MAGI1: variants seen among roughly 807,000 people sequenced by gnomAD.
MAGI1 encodes membrane-associated guanylate kinase, WW and PDZ domain-containing protein 1.
A neutral mutation model predicts 139.9 loss-of-function variants in MAGI1; 58 were observed. The observed-to-expected ratio is 0.41, with a 90% CI of 0.34 to 0.52. The LOEUF is 0.52. MAGI1 is among the 20% of genes least tolerant of loss of function. The probability of loss-of-function intolerance (pLI) is 0.12; values close to 1 mark genes in which losing one functional copy is unlikely to be tolerated. For synonymous variants in MAGI1, 812 were observed against 737.9 expected (o/e 1.10, Z -1.63); for missense variants, 1,874 against 1,901.6 (o/e 0.99, Z 0.27).
At chr3:65,867,353 CATCA>C (rs1342900138) in intron 1 of MAGI1, among the ~76,000 whole-genome samples, 1 of 152,222 alleles carries the variant, frequency 6.6e-6, no homozygotes, top group Non-Finnish European at 1.5e-5. Flanking sequence ...TTTCTGAACA[CATCA>C]ATCAACTGTA....
At chr3:66,018,733 T>A (rs1576480088) in intron 1 of MAGI1, among the ~76,000 whole-genome samples, 1 of 152,228 alleles carries the variant, frequency 6.6e-6, no homozygotes, top group South Asian at 2.1e-4. Context: ...ATCAGCCACC[T>A]GAGCTCTGAC....
chr3:65,432,900 T>C (rs1053516913), intron 10 of MAGI1, among the ~76,000 whole-genome samples: 1 of 152,168 alleles, frequency 6.6e-6, no homozygotes, highest in Non-Finnish European at 1.5e-5. Context: ...AGACCTTCCC[T>C]AACCACCTTA....
intron 1 of MAGI1, among the ~76,000 whole-genome samples, chr3:65,963,953 G>C (rs2064605065): frequency 6.6e-6 from 1 of 152,184 alleles, no homozygotes; most frequent in African/African-American, 2.4e-5. Context: ...GAGACCACAA[G>C]GCTGGGAAAT....
intron 2 of MAGI1, among the ~76,000 whole-genome samples, chr3:65,515,592 A>G (rs1205177524): frequency 6.6e-6 from 1 of 152,228 alleles, no homozygotes; most frequent in Non-Finnish European, 1.5e-5. Flanking sequence ...TTAATGCTGT[A>G]GACAATGTAG....
intron 12 of MAGI1, among the ~76,000 whole-genome samples, chr3:65,423,806 T>C (rs942246749): frequency 2.0e-5 from 3 of 152,218 alleles, no homozygotes; most frequent in Admixed American, 6.5e-5. Flanking sequence ...AATTATGATA[T>C]GTAAAATGTC....
At chr3:65,914,356 C>T (rs2061800388) in intron 1 of MAGI1, among the ~76,000 whole-genome samples, 1 of 151,962 alleles carries the variant, frequency 6.6e-6, no homozygotes, top group Non-Finnish European at 1.5e-5. Flanking sequence ...TCTGAACCCA[C>T]AAATGAACAC....
At chr3:65,558,229 T>C (rs982337462) in intron 2 of MAGI1, among the ~76,000 whole-genome samples, 24 of 152,214 alleles carry the variant, frequency 1.6e-4, no homozygotes, top group African/African-American at 5.8e-4. Flanking sequence ...TTTCTAAACG[T>C]TTCCATTTTT....
At chr3:65,882,410 T>G (rs371879688) in intron 1 of MAGI1, among the ~76,000 whole-genome samples, 1 of 152,116 alleles carries the variant, frequency 6.6e-6, no homozygotes, top group African/African-American at 2.4e-5. Flanking sequence ...TCTGGGTGAA[T>G]AGTTTTTATA....
At chr3:65,401,928 T>C in intron 12 of MAGI1, 2 of 984,154 alleles carry the variant, frequency 2.0e-6, no homozygotes, top group Non-Finnish European at 2.4e-6. Context: ...TGGTTAAAAT[T>C]AAAAAAATTT....
At chr3:65,379,072 A>G in intron 17 of MAGI1, 189 bp downstream of exon 17, 1 of 1,239,130 alleles carries the variant, frequency 8.1e-7, no homozygotes, top group Non-Finnish European at 1.1e-6. Flanking sequence ...GGTTGAACAA[A>G]TATTCCCAAC....
intron 1 of MAGI1, among the ~76,000 whole-genome samples, chr3:65,730,137 T>A (rs967663599): frequency 6.6e-6 from 1 of 152,210 alleles, no homozygotes; most frequent in Non-Finnish European, 1.5e-5. Flanking sequence ...ATATCTCCAT[T>A]ACATCATTTG....
intron 2 of MAGI1, among the ~76,000 whole-genome samples, chr3:65,507,278 A>T (rs1240007041): frequency 6.6e-6 from 1 of 152,238 alleles, no homozygotes; most frequent in Non-Finnish European, 1.5e-5. Flanking sequence ...TCCATTTGTT[A>T]ACACATGCTT....
intron 12 of MAGI1, among the ~76,000 whole-genome samples, chr3:65,424,606 A>G (rs535293450): frequency 6.6e-6 from 1 of 152,322 alleles, no homozygotes; most frequent in African/African-American, 2.4e-5. Context: ...AGCATCTCCA[A>G]TAGCAAGTCC....
chr3:65,381,369 A>C (rs1373274318), intron 16 of MAGI1, among the ~76,000 whole-genome samples: 1 of 152,162 alleles, frequency 6.6e-6, no homozygotes, highest in Non-Finnish European at 1.5e-5. Flanking sequence ...GGCAGGAAGA[A>C]GGAATCAAAG....
At chr3:66,013,032 TTA>T (rs2067413685) in intron 1 of MAGI1, among the ~76,000 whole-genome samples, 2 of 152,144 alleles carry the variant, frequency 1.3e-5, no homozygotes, top group African/African-American at 2.4e-5. Flanking sequence ...GTGTCTAAAT[TTA>T]TGTTTGAGGA....
At chr3:65,701,486 C>G (rs534494191) in intron 1 of MAGI1, among the ~76,000 whole-genome samples, 58 of 152,296 alleles carry the variant, frequency 3.8e-4, no homozygotes, top group South Asian at 1.0e-3. Context: ...CTCCTGACCT[C>G]AAGTGATCCG....
At chr3:65,500,070 C>T (rs1282783973) in intron 2 of MAGI1, among the ~76,000 whole-genome samples, 1 of 152,176 alleles carries the variant, frequency 6.6e-6, no homozygotes, top group Non-Finnish European at 1.5e-5. Context: ...CCAGCTGAAT[C>T]ACACAAACAA....
intron 1 of MAGI1, among the ~76,000 whole-genome samples, chr3:65,741,696 G>T (rs557165563): frequency 2.6e-5 from 4 of 152,188 alleles, no homozygotes; most frequent in African/African-American, 7.2e-5. Context: ...ACTGGGATAA[G>T]TTAATGGCTT....
rs77160374 is a variant in MAGI1, at chr3:65,857,689, T to C, written c.313+180307A>G. Among the ~76,000 whole-genome samples, 46 of 152,308 alleles carry C rather than the reference T, an allele frequency of 3.0e-4. No homozygotes were observed. In the East Asian group the frequency reaches 8.3e-3, roughly 27 times the overall value. ...CTTATAAAGGTTTATAAACTTTAGA[T>C]GCTGTCTTTGGTGAAATTTTTAAAA... is the stretch of plus-strand genomic sequence containing the variant. On this transcript the variant is annotated intron_variant, in intron 1 of 22. Coordinates refer to ENST00000402939, the MANE Select transcript of MAGI1 (RefSeq NM_001033057.2).
Sources: allele counts gnomAD v4.1 joint callset (sites outside exome capture counted in the v4.1 genomes callset), GRCh38; gene constraint gnomAD v4.1.1; transcripts MANE v1.5; gene names NCBI Gene and HGNC (gene_info 2026-07-23, HGNC 2026-07-21).